The following TLK2 variants were observed in gnomAD, a reference collection of about 807,000 sequenced individuals.
TLK2 encodes tousled like kinase 2, also known as serine/threonine-protein kinase tousled-like 2.
In TLK2, 6 loss-of-function variants were observed where a neutral mutation model predicts 117.3. The ratio of observed to expected loss-of-function variants is 0.05; its 90% confidence interval spans 0.03 to 0.10. The LOEUF is 0.10. Ranked by LOEUF, TLK2 falls within the 10% of genes least tolerant of loss-of-function variation. The probability of loss-of-function intolerance (pLI) is 1.00; values close to 1 mark genes in which losing one functional copy is unlikely to be tolerated. For synonymous variants in TLK2, 257 were observed against 316.7 expected (o/e 0.81, Z 2.00); for missense variants, 299 against 901.2 (o/e 0.33, Z 8.56).
intron 6 of TLK2, among the ~76,000 whole-genome samples, chr17:62,529,038 T>C (rs181746336): frequency 6.6e-6 from 1 of 152,332 alleles, no homozygotes; most frequent in East Asian, 1.9e-4. Flanking sequence ...TAGTTCAGTT[T>C]TGCCAGTAGG....
intron 7 of TLK2, among the ~76,000 whole-genome samples, chr17:62,548,147 C>T (rs751255200): frequency 1.5e-4 from 23 of 151,722 alleles, no homozygotes; most frequent in Non-Finnish European, 2.1e-4. Context: ...CGGTATTCCA[C>T]GGAAGTTAAG....
At chr17:62,473,965 A>G (rs1185383117), upstream of TLK2, among the ~76,000 whole-genome samples, 2 of 152,118 alleles carry the variant, frequency 1.3e-5, no homozygotes, top group Non-Finnish European at 2.9e-5. Context: ...GTGGGTTCTC[A>G]GCTCACTGCA....
intron 2 of TLK2, among the ~76,000 whole-genome samples, chr17:62,486,159 T>C (rs2072348589): frequency 6.6e-6 from 1 of 151,622 alleles, no homozygotes; most frequent in South Asian, 2.1e-4. Context: ...ATGTGAGCTG[T>C]CCTACCTCTT....
At chr17:62,603,341 C>T (rs930954874) in intron 19 of TLK2, among the ~76,000 whole-genome samples, 1 of 152,170 alleles carries the variant, frequency 6.6e-6, no homozygotes, top group African/African-American at 2.4e-5. Flanking sequence ...TAAATTAAAA[C>T]TTTGAAATTA....
intron 18 of TLK2, 59 bp from the exon 19 acceptor site, chr17:62,601,983 T>A (rs1451542282): frequency 1.3e-6 from 2 of 1,502,612 alleles, no homozygotes; most frequent in Non-Finnish European, 1.8e-6. Flanking sequence ...GCTATTACTT[T>A]GGGTTTTTCT....
chr17:62,604,221 A>G (rs923627493), intron 19 of TLK2, among the ~76,000 whole-genome samples: 8 of 151,928 alleles, frequency 5.3e-5, no homozygotes, highest in Admixed American at 2.0e-4. Context: ...TGGCCAGGCT[A>G]GTCTTGAACT....
At chr17:62,578,906 A>T (rs1263737715) in intron 14 of TLK2, among the ~76,000 whole-genome samples, 1 of 152,214 alleles carries the variant, frequency 6.6e-6, no homozygotes, top group Non-Finnish European at 1.5e-5. Context: ...AGCCTTAAGA[A>T]AGGGAAGATG....
In TLK2 at chr17:62,578,512, A is replaced by G. The variant is rs1380139760; in HGVS notation, c.1224A>G (p.Leu408=). 6.2e-7 allele frequency: 1 copy of G among 1,614,006 alleles called. No individual in the cohort carries two copies. Among genetic ancestry groups the G allele is most frequent in the South Asian group, 1.1e-5 (1 of 91,088 alleles). Residue 408 remains leucine (L), a synonymous_variant, in exon 14 of 22, where the codon CTA becomes CTG. Transcript: ENST00000346027. The part of the protein sequence containing the change: ...EAEIQAELER[L]ERVRNLHIRE... ...AGATCCAGGCAGAGCTGGAGAGACT[A>G]GAAAGGGTTAGAAATCTACATATCA...
intron 16 of TLK2, among the ~76,000 whole-genome samples, chr17:62,593,759 T>C (rs1209879953): frequency 6.6e-6 from 1 of 151,966 alleles, no homozygotes; most frequent in Non-Finnish European, 1.5e-5. Context: ...GTTAATTTTT[T>C]TTTTTTAATA....
chr17:62,574,310 T>G (rs774346704), intron 12 of TLK2: 2 of 1,535,846 alleles, frequency 1.3e-6, no homozygotes, highest in Admixed American at 2.0e-5. Flanking sequence ...GATGTTCGTT[T>G]AGTAAGTTTA....
At chr17:62,480,874 A>G (rs1223584440) in intron 1 of TLK2, among the ~76,000 whole-genome samples, 1 of 152,218 alleles carries the variant, frequency 6.6e-6, no homozygotes, top group Non-Finnish European at 1.5e-5. Flanking sequence ...TGCTGTTAAA[A>G]TCAAATCAGA....
chr17:62,498,846 T>G (rs12938191), intron 2 of TLK2, among the ~76,000 whole-genome samples: 4 of 152,080 alleles, frequency 2.6e-5, no homozygotes, highest in African/African-American at 9.7e-5. Flanking sequence ...CAGCTCTTGA[T>G]CAGCGATTTC....
At chr17:62,551,940 T>C in intron 7 of TLK2, 1 of 331,466 alleles carries the variant, frequency 3.0e-6, no homozygotes, top group Non-Finnish European at 5.8e-6. Flanking sequence ...GCATCCCCTG[T>C]GCATTGGATG....
At chr17:62,566,227 C>T (rs2079783874) in intron 11 of TLK2, among the ~76,000 whole-genome samples, 1 of 151,544 alleles carries the variant, frequency 6.6e-6, no homozygotes. Context: ...TTGGAAGGGT[C>T]TATAGACTGC....
chr17:62,533,364 C>T (rs1354542521), intron 6 of TLK2, among the ~76,000 whole-genome samples: 6 of 113,476 alleles, frequency 5.3e-5, no homozygotes, highest in Middle Eastern at 5.0e-3. Flanking sequence ...TATTCCTATA[C>T]GGGGTGTGTG....
chr17:62,496,475 G>A (rs534035478), intron 2 of TLK2, among the ~76,000 whole-genome samples: 1 of 152,208 alleles, frequency 6.6e-6, no homozygotes, highest in East Asian at 1.9e-4. Flanking sequence ...TGTGATTTCA[G>A]TAGATATGGC....
chr17:62,484,054 C>G (rs941950430), intron 2 of TLK2, among the ~76,000 whole-genome samples: 23 of 151,934 alleles, frequency 1.5e-4, no homozygotes, highest in Non-Finnish European at 2.1e-4. Context: ...GAACTCCCGA[C>G]CTTGTGATGT....
intron 10 of TLK2, among the ~76,000 whole-genome samples, chr17:62,560,522 ATAAT>A (rs1296085683): frequency 3.6e-5 from 5 of 138,396 alleles, no homozygotes; most frequent in Non-Finnish European, 7.8e-5. Flanking sequence ...TAATAATGTG[ATAAT>A]TAATGCTTTG....
intron 17 of TLK2, among the ~76,000 whole-genome samples, chr17:62,596,978 C>T (rs932873536): frequency 2.9e-4 from 44 of 152,020 alleles, no homozygotes; most frequent in African/African-American, 1.0e-3. Context: ...TTTTGATGTA[C>T]CACCTGTTTA....
Sources: gnomAD v4.1 joint callset for allele counts (sites outside exome capture counted in the v4.1 genomes callset) on GRCh38, gnomAD v4.1.1 for gene constraint, MANE v1.5 for transcripts, NCBI Gene and HGNC (gene_info 2026-07-23, HGNC 2026-07-21) for gene names.